PAM: variants seen among roughly 807,000 people sequenced by gnomAD.
The protein encoded by PAM is peptidylglycine alpha-amidating monooxygenase.
In PAM, 72 loss-of-function variants were observed where a neutral mutation model predicts 122.1. The ratio of observed to expected loss-of-function variants is 0.59; its 90% CI spans 0.49 to 0.72. The LOEUF (loss-of-function observed/expected upper bound fraction) is 0.72, where lower values mean the gene tolerates loss of function less well. Ranked by LOEUF, PAM falls within the 30% of genes least tolerant of loss-of-function variation. The pLI is 0.00. For missense variants in PAM, 1,106 were observed against 1,183.7 expected (o/e 0.93, Z 0.96); for synonymous variants, 389 against 404.4 (o/e 0.96, Z 0.46).
intron 14 of PAM, among the ~76,000 whole-genome samples, chr5:102,972,968 C>T (rs943539435): frequency 3.9e-5 from 6 of 152,192 alleles, no homozygotes; most frequent in Admixed American, 3.9e-4. Flanking sequence ...CTTCATCTCC[C>T]CTTGCACCAC....
intron 15 of PAM, among the ~76,000 whole-genome samples, chr5:102,989,188 T>C (rs1413784841): frequency 3.1e-4 from 47 of 152,108 alleles, no homozygotes; most frequent in Non-Finnish European, 5.9e-5. Flanking sequence ...CCTTTATCCG[T>C]GAGCGTGTTT....
intron 14 of PAM, among the ~76,000 whole-genome samples, chr5:102,966,180 G>A (rs1034188033): frequency 6.6e-6 from 1 of 151,968 alleles, no homozygotes; most frequent in Non-Finnish European, 1.5e-5. Context: ...TATGATTTAT[G>A]AGCACTTCAC....
intron 3 of PAM, among the ~76,000 whole-genome samples, chr5:102,898,522 C>G (rs1235384982): frequency 6.6e-6 from 1 of 151,594 alleles, no homozygotes; most frequent in Non-Finnish European, 1.5e-5. Flanking sequence ...TTCAGAGAAA[C>G]ATTGATCTGA....
intron 3 of PAM, among the ~76,000 whole-genome samples, chr5:102,883,715 G>A (rs2151171466): frequency 6.6e-6 from 1 of 151,944 alleles, no homozygotes; most frequent in East Asian, 1.9e-4. Context: ...TCTTTATTTT[G>A]TCTAATTGCT....
At chr5:102,961,328 A>G (rs1269007140) in intron 14 of PAM, 99 bp downstream of exon 14, 13 of 706,744 alleles carry the variant, frequency 1.8e-5, no homozygotes, top group East Asian at 2.6e-5. Context: ...GTCTCTCTGT[A>G]TCTGCCTCAA....
At chr5:102,950,249 T>G (rs1352169203) in intron 11 of PAM, among the ~76,000 whole-genome samples, 1 of 152,110 alleles carries the variant, frequency 6.6e-6, no homozygotes, top group Non-Finnish European at 1.5e-5. Flanking sequence ...TATTATCACA[T>G]TTATTCTGAT....
At chr5:102,833,226 T>A (rs60818799) in intron 1 of PAM, among the ~76,000 whole-genome samples, 5,148 of 152,174 alleles carry the variant, frequency 0.034, 168 homozygotes, top group East Asian at 0.14. Context: ...TTCTATTGGT[T>A]GGGGAAATTT....
chr5:103,002,638 A>T (rs950255404), intron 16 of PAM, among the ~76,000 whole-genome samples: 5 of 152,208 alleles, frequency 3.3e-5, no homozygotes, highest in Non-Finnish European at 7.3e-5. Flanking sequence ...CTTTTGCAAT[A>T]TGAAAGAAAA....
At chr5:102,888,268 A>G (rs180673373) in intron 3 of PAM, among the ~76,000 whole-genome samples, 1 of 151,962 alleles carries the variant, frequency 6.6e-6, no homozygotes, top group East Asian at 1.9e-4. Flanking sequence ...CCAGACAGCA[A>G]CACTTCCTGG....
chr5:102,828,722 G>A (rs1035360433), intron 1 of PAM, among the ~76,000 whole-genome samples: 2 of 152,204 alleles, frequency 1.3e-5, no homozygotes, highest in African/African-American at 4.8e-5. Context: ...GTAAATGTCA[G>A]TGTGGGAGAT....
chr5:102,951,371 A>G (rs1758833865), intron 12 of PAM, among the ~76,000 whole-genome samples: 1 of 152,120 alleles, frequency 6.6e-6, no homozygotes, highest in Non-Finnish European at 1.5e-5. Flanking sequence ...ATAACACTAC[A>G]TAAAATTTTC....
chr5:102,873,523 C>T (rs1788190233), intron 3 of PAM: 1 of 152,462 alleles, frequency 6.6e-6, no homozygotes, highest in Non-Finnish European at 1.5e-5. Flanking sequence ...ATGGTCCAGC[C>T]TACCTTCCCT....
chr5:102,830,558 A>G (rs1775144882), intron 1 of PAM, among the ~76,000 whole-genome samples: 1 of 152,196 alleles, frequency 6.6e-6, no homozygotes, highest in Non-Finnish European at 1.5e-5. Flanking sequence ...TTTAATGAGA[A>G]GACATTCTAG....
At chr5:102,851,213 C>T (rs111827665) in intron 1 of PAM, among the ~76,000 whole-genome samples, 1 of 152,090 alleles carries the variant, frequency 6.6e-6, no homozygotes, top group African/African-American at 2.4e-5. Context: ...AATTTAAATA[C>T]AAAAGATTCA....
At chr5:102,947,675 T>TA (rs887751081) in intron 8 of PAM, among the ~76,000 whole-genome samples, 58 of 151,864 alleles carry the variant, frequency 3.8e-4, no homozygotes, top group African/African-American at 1.2e-3. Context: ...TCTATGGAAA[T>TA]AAAAAAAATG....
At chr5:102,949,685 C>T in intron 10 of PAM, 68 bp downstream of exon 10, 1 of 851,898 alleles carries the variant, frequency 1.2e-6, no homozygotes. Flanking sequence ...AATTAAAATG[C>T]AAATTGTGTT....
chr5:102,974,225 T>A lies in PAM; in HGVS notation c.1272T>A (p.Ala424=), dbSNP rs1174531159. The part of the protein sequence containing the change: ...EKAESESDLV[A]EIANVVQKKD... ...CAGAATCAGAGTCAGACCTGGTAGC[T>A]GAGATTGCAAATGTAGTCCAAAAAA... is the stretch of plus-strand genomic sequence containing the variant. The change falls in exon 15 of 26, where the codon GCT becomes GCA. Residue 424 remains alanine, a synonymous_variant. Transcript: ENST00000438793. The A allele has an allele frequency of 2.5e-6, 4 of 1,612,284 alleles. No homozygotes were observed. Among genetic ancestry groups the A allele is most frequent in the Non-Finnish European group, 3.4e-6 (4 of 1,178,496 alleles).
At chr5:102,761,273 A>G (rs1255801926) in intron 1 of PAM, among the ~76,000 whole-genome samples, 1 of 152,252 alleles carries the variant, frequency 6.6e-6, no homozygotes, top group Non-Finnish European at 1.5e-5. Context: ...ATGACACCGC[A>G]GAATTAAGGA....
At chr5:102,894,278 G>A (rs1035321039) in intron 3 of PAM, among the ~76,000 whole-genome samples, 12 of 151,540 alleles carry the variant, frequency 7.9e-5, no homozygotes, top group Admixed American at 7.9e-4. Context: ...ATAAGTTAGG[G>A]ATATTAACAC....
Sources: allele counts gnomAD v4.1 joint callset (sites outside exome capture counted in the v4.1 genomes callset), GRCh38; gene constraint gnomAD v4.1.1; transcripts MANE v1.5; gene names NCBI Gene and HGNC (gene_info 2026-07-23, HGNC 2026-07-21).